Variants in TAF3 observed in about 807,000 individuals in gnomAD.
TAF3 encodes TATA-box binding protein associated factor 3.
A neutral mutation model predicts 80.6 loss-of-function variants in TAF3; 7 were observed. That is an observed-to-expected ratio of 0.09 (90% confidence interval 0.05 to 0.16). The LOEUF (loss-of-function observed/expected upper bound fraction) is 0.16, where lower values mean the gene tolerates loss of function less well. TAF3 is among the 10% of genes least tolerant of loss of function. TAF3 has a pLI of 1.00. For synonymous variants in TAF3, 444 were observed against 446.1 expected (o/e 1.00, Z 0.06); for missense variants, 921 against 1,140.2 (o/e 0.81, Z 2.77).
rs1322499371 is a variant in TAF3 at position 7,965,812 on chromosome 10, A to G, written c.2232+70A>G. The G allele has an allele frequency of 4.2e-6, 6 of 1,420,234 alleles. No homozygotes were observed. The East Asian group carries it at 1.3e-4, about 30-fold the overall frequency. 88.0% of individuals were successfully genotyped at this position (1,420,234 alleles called of 1,614,324 possible). On this transcript the variant is annotated intron_variant, in intron 3 of 6. Transcript: ENST00000344293. ...TGAGAAACACAGGTAAACAAAGCCCACAATTATATCTGTATTCTGGGTGTA... is the reference window on the plus strand; with the variant it reads ...TGAGAAACACAGGTAAACAAAGCCCGCAATTATATCTGTATTCTGGGTGTA...
intron 2 of TAF3, among the ~76,000 whole-genome samples, chr10:7,909,749 T>C (rs541423453): frequency 1.6e-4 from 24 of 152,334 alleles, no homozygotes; most frequent in African/African-American, 5.8e-4. Context: ...ACTTTATATC[T>C]TTATAAAGGT....
intron 2 of TAF3, among the ~76,000 whole-genome samples, chr10:7,945,813 C>G (rs1010790243): frequency 1.3e-5 from 2 of 152,214 alleles, no homozygotes; most frequent in African/African-American, 2.4e-5. Flanking sequence ...TCTCCACACA[C>G]ATTATCCCAT....
intron 6 of TAF3, among the ~76,000 whole-genome samples, chr10:8,014,156 C>G (rs1832082091): frequency 6.6e-6 from 1 of 152,200 alleles, no homozygotes. Flanking sequence ...GGAGCTGTAG[C>G]ACTGGCCAGG....
intron 2 of TAF3, among the ~76,000 whole-genome samples, chr10:7,932,739 A>C (rs1184251100): frequency 1.5e-5 from 2 of 134,310 alleles, no homozygotes; most frequent in South Asian, 4.7e-4. Flanking sequence ...GTGCAGTGGC[A>C]CAGTCGTGGC....
At chr10:7,922,366 C>T (rs1183812108) in intron 2 of TAF3, among the ~76,000 whole-genome samples, 1 of 152,052 alleles carries the variant, frequency 6.6e-6, no homozygotes, top group Non-Finnish European at 1.5e-5. Flanking sequence ...TGGGACTTTT[C>T]CATTGTGAAT....
intron 2 of TAF3, among the ~76,000 whole-genome samples, chr10:7,860,801 TTTC>T (rs1468965614): frequency 4.2e-4 from 63 of 149,318 alleles, no homozygotes; most frequent in South Asian, 2.1e-3. Context: ...TCTTTCTTTC[TTTC>T]TTTTTTTTTT....
At chr10:7,986,981 G>A (rs1337845376) in intron 4 of TAF3, among the ~76,000 whole-genome samples, 3 of 152,034 alleles carry the variant, frequency 2.0e-5, no homozygotes, top group African/African-American at 4.8e-5. Flanking sequence ...CTTCCCCCAG[G>A]TTAATCACTG....
intron 3 of TAF3, among the ~76,000 whole-genome samples, chr10:7,970,947 T>G (rs955190059): frequency 1.3e-5 from 2 of 151,834 alleles, no homozygotes; most frequent in African/African-American, 2.4e-5. Context: ...AAATGAAGGG[T>G]TTTTTTTGTA....
At chr10:7,988,818 T>C (rs1831805735) in intron 4 of TAF3, among the ~76,000 whole-genome samples, 1 of 151,690 alleles carries the variant, frequency 6.6e-6, no homozygotes, top group South Asian at 2.1e-4. Context: ...TTTTATTTAT[T>C]TATTTTTTTA....
chr10:7,874,583 AT>A (rs1837297215), intron 2 of TAF3, among the ~76,000 whole-genome samples: 1 of 152,068 alleles, frequency 6.6e-6, no homozygotes, highest in South Asian at 2.1e-4. Context: ...AAAGCCAAAA[AT>A]ATCCTAAACA....
intron 2 of TAF3, among the ~76,000 whole-genome samples, chr10:7,931,143 A>G (rs1448434521): frequency 1.3e-5 from 2 of 152,228 alleles, no homozygotes; most frequent in Non-Finnish European, 2.9e-5. Context: ...ATCCACCTGC[A>G]TGGTAGTCAA....
At chr10:7,951,715 C>T (rs1216693015) in intron 2 of TAF3, among the ~76,000 whole-genome samples, 2 of 152,158 alleles carry the variant, frequency 1.3e-5, no homozygotes, top group Non-Finnish European at 2.9e-5. Context: ...CATACTAAGT[C>T]GTTTATATAC....
chr10:7,901,648 A>G (rs182078159), intron 2 of TAF3, among the ~76,000 whole-genome samples: 163 of 152,290 alleles, frequency 1.1e-3, no homozygotes, highest in African/African-American at 3.6e-3. Flanking sequence ...TGCATTGAGC[A>G]CAGTTATTTT....
rs1371076998 is a variant in TAF3 at position 8,015,962 on chromosome 10, G to GAAGT, written c.*1213_*1216dup. Reference sequence around the variant, plus strand: ...TAATATTGTGCTTTAAGGCTGAAATGAAGTATATTATGAATTTTTTTAAGA... The same window carrying GAAGT: ...TAATATTGTGCTTTAAGGCTGAAATGAAGTAAGTATATTATGAATTTTTTTAAGA... On this transcript the variant is annotated 3_prime_UTR_variant, in exon 7 of 7. Coordinates refer to ENST00000344293, the MANE Select transcript of TAF3 (RefSeq NM_031923.4). 12 of 151,904 alleles carry GAAGT rather than the reference G, an allele frequency of 7.9e-5. No individual in the cohort carries two copies. The highest frequency in any genetic ancestry group is 2.6e-4 in the Admixed American group (4 of 15,270). 9.4% of individuals were successfully genotyped at this position (151,904 alleles called of 1,614,324 possible). A position where few individuals can be genotyped will look rare whatever the true frequency, so the allele number is the denominator to read the frequency against.
At chr10:7,855,853 C>T (rs919257087) in intron 2 of TAF3, among the ~76,000 whole-genome samples, 2 of 150,310 alleles carry the variant, frequency 1.3e-5, no homozygotes, top group East Asian at 2.0e-4. Flanking sequence ...AGGTAAGAGG[C>T]GGGAGGATAG....
intron 4 of TAF3, among the ~76,000 whole-genome samples, chr10:7,988,572 C>CAAAAAAAAAAAAAAAAAAAAAA: frequency 2.0e-5 from 1 of 49,282 alleles, no homozygotes; most frequent in Middle Eastern, 0.013. Flanking sequence ...GACCCTGTCT[C>CAAAAAAAAAAAAAAAAAAAAAA]AAAAAAAAAA....
intron 2 of TAF3, among the ~76,000 whole-genome samples, chr10:7,853,237 G>A (rs1021147279): frequency 1.3e-5 from 2 of 152,098 alleles, no homozygotes; most frequent in Non-Finnish European, 2.9e-5. Context: ...TCACTTTCTA[G>A]TTATCTTATT....
chr10:7,842,230 G>A (rs1299977291), intron 2 of TAF3, among the ~76,000 whole-genome samples: 1 of 122,308 alleles, frequency 8.2e-6, no homozygotes, highest in East Asian at 2.5e-4. Context: ...CTGAAGTGCT[G>A]TGGCACGATC....
chr10:7,932,020 TTA>T (rs1325043588), intron 2 of TAF3, among the ~76,000 whole-genome samples: 2 of 152,192 alleles, frequency 1.3e-5, no homozygotes, highest in East Asian at 3.8e-4. Context: ...AAGCAAATTA[TTA>T]TACCACCCTA....
Sources: gnomAD v4.1 joint callset for allele counts (sites outside exome capture counted in the v4.1 genomes callset) on GRCh38, gnomAD v4.1.1 for gene constraint, MANE v1.5 for transcripts, NCBI Gene and HGNC (gene_info 2026-07-23, HGNC 2026-07-21) for gene names.